Variants in NEDD9 observed in about 807,000 individuals in gnomAD.
The protein encoded by NEDD9 is enhancer of filamentation 1.
In NEDD9, 26 loss-of-function variants were observed where a neutral mutation model predicts 76.6. The ratio of observed to expected loss-of-function variants is 0.34; its 90% CI spans 0.25 to 0.47. The LOEUF (loss-of-function observed/expected upper bound fraction) is 0.47. Ranked by LOEUF, NEDD9 falls within the 20% of genes least tolerant of loss-of-function variation. The pLI, the probability that NEDD9 is intolerant of heterozygous loss-of-function variation, is 1.00. For missense variants in NEDD9, 937 were observed against 1,058.5 expected, an observed-to-expected ratio of 0.89 and a Z score of 1.59; for synonymous variants, 392 against 414.2, an observed-to-expected ratio of 0.95 and a Z score of 0.65.
intron 3 of NEDD9, among the ~76,000 whole-genome samples, chr6:11,291,376 G>A (rs578155518): frequency 4.9e-5 from 7 of 144,104 alleles, no homozygotes; most frequent in African/African-American, 7.8e-5. Context: ...CCGGGTTCAC[G>A]CCATTCTCCT....
chr6:11,329,763 G>A (rs574282984), intron 2 of NEDD9, among the ~76,000 whole-genome samples: 4 of 152,040 alleles, frequency 2.6e-5, no homozygotes. Context: ...AACTGGGTGG[G>A]GGGGGCGGTG....
intron 2 of NEDD9, among the ~76,000 whole-genome samples, chr6:11,314,085 C>T (rs958040122): frequency 6.6e-6 from 1 of 152,056 alleles, no homozygotes; most frequent in African/African-American, 2.4e-5. Context: ...TTAAAGACAC[C>T]CTTATAAAAC....
intron 2 of NEDD9, among the ~76,000 whole-genome samples, chr6:11,326,545 A>G (rs1761933327): frequency 6.6e-6 from 1 of 152,266 alleles, no homozygotes; most frequent in Non-Finnish European, 1.5e-5. Context: ...TATGAACACC[A>G]TTCTGGAGTC....
intron 1 of NEDD9, among the ~76,000 whole-genome samples, chr6:11,347,839 C>T (rs906335994): frequency 2.0e-5 from 3 of 152,220 alleles, no homozygotes; most frequent in Non-Finnish European, 4.4e-5. Context: ...CAGCACATCA[C>T]TGAATGGGCA....
chr6:11,255,933 C>G (rs1293709544), intron 3 of NEDD9, among the ~76,000 whole-genome samples: 2 of 152,104 alleles, frequency 1.3e-5, no homozygotes, highest in African/African-American at 4.8e-5. Context: ...CTGTATTCTC[C>G]TGATCTCCCT....
intron 1 of NEDD9, among the ~76,000 whole-genome samples, chr6:11,345,718 G>A (rs1261174034): frequency 2.6e-5 from 4 of 152,182 alleles, no homozygotes; most frequent in Admixed American, 1.3e-4. Flanking sequence ...CACTGGTAGA[G>A]GACTTTTCTC....
At chr6:11,279,638 C>T (rs968303885) in intron 3 of NEDD9, among the ~76,000 whole-genome samples, 3 of 152,076 alleles carry the variant, frequency 2.0e-5, no homozygotes, top group African/African-American at 7.2e-5. Context: ...TGCTTGCCTG[C>T]GAAAGCTGAT....
chr6:11,222,924 G>A (rs1417641522), intron 1 of NEDD9, among the ~76,000 whole-genome samples: 2 of 152,252 alleles, frequency 1.3e-5, no homozygotes, highest in African/African-American at 4.8e-5. Context: ...AGGAGTAGAA[G>A]AGATTAGACC....
intron 3 of NEDD9, among the ~76,000 whole-genome samples, chr6:11,273,543 G>A (rs1220023504): frequency 6.6e-6 from 1 of 152,206 alleles, no homozygotes; most frequent in Non-Finnish European, 1.5e-5. Flanking sequence ...GTTCACCTGT[G>A]TTGCCCTCCA....
At chr6:11,227,297 A>G (rs143140991) in intron 1 of NEDD9, among the ~76,000 whole-genome samples, 564 of 152,278 alleles carry the variant, frequency 3.7e-3, no homozygotes, top group Non-Finnish European at 6.0e-3. Flanking sequence ...TTCAACATCT[A>G]TTGAGCATCT....
chr6:11,313,858 A>G (rs913755789), intron 2 of NEDD9, among the ~76,000 whole-genome samples: 1 of 152,234 alleles, frequency 6.6e-6, no homozygotes, highest in Non-Finnish European at 1.5e-5. Flanking sequence ...ATTGTTAAAA[A>G]ATAAAAAATT....
chr6:11,382,264 G>C (rs949185268), exon 1 of NEDD9: 1 of 152,270 alleles, frequency 6.6e-6, no homozygotes, highest in East Asian at 1.9e-4. Context: ...TCCATGCAGC[G>C]AGCGGACTTG....
chr6:11,316,472 TC>T (rs533208466), intron 2 of NEDD9, among the ~76,000 whole-genome samples: 89 of 152,342 alleles, frequency 5.8e-4, no homozygotes, highest in African/African-American at 2.1e-3. Flanking sequence ...CTTCATTCTG[TC>T]CTGTGTCTCC....
chr6:11,373,597 C>T (rs1762919209), intron 1 of NEDD9, among the ~76,000 whole-genome samples: 1 of 152,202 alleles, frequency 6.6e-6, no homozygotes, highest in Non-Finnish European at 1.5e-5. Context: ...GAATCCCCAG[C>T]ACCTAATATG....
chr6:11,330,289 T>A (rs1435333936), intron 2 of NEDD9, among the ~76,000 whole-genome samples: 1 of 152,180 alleles, frequency 6.6e-6, no homozygotes, highest in African/African-American at 2.4e-5. Context: ...CTTTAACCCG[T>A]GTTGGTATGA....
chr6:11,200,371 T>C, intron 2 of NEDD9: 1 of 583,842 alleles, frequency 1.7e-6, no homozygotes, highest in Middle Eastern at 3.1e-4. Context: ...CAAAATTCTC[T>C]CTGGAGGCAG....
intron 1 of NEDD9, among the ~76,000 whole-genome samples, chr6:11,366,311 G>GAAAGAA (rs1390734251): frequency 1.4e-5 from 2 of 143,496 alleles, no homozygotes; most frequent in Non-Finnish European, 3.0e-5. Flanking sequence ...AAGAAAGAAA[G>GAAAGAA]AGAAAGAAAG....
intron 2 of NEDD9, among the ~76,000 whole-genome samples, chr6:11,196,258 C>T (rs979622703): frequency 8.5e-5 from 13 of 152,126 alleles, no homozygotes; most frequent in Admixed American, 2.0e-4. Context: ...GAGCCAAGAT[C>T]GTTCCACTGC....
intron 3 of NEDD9, among the ~76,000 whole-genome samples, chr6:11,255,878 G>A (rs568307498): frequency 6.6e-6 from 1 of 152,218 alleles, no homozygotes; most frequent in Non-Finnish European, 1.5e-5. Context: ...TAAGGAAACT[G>A]GTTAGGAGGC....
Sources: allele counts gnomAD v4.1 joint callset (sites outside exome capture counted in the v4.1 genomes callset), GRCh38; gene constraint gnomAD v4.1.1; transcripts MANE v1.5; gene names NCBI Gene and HGNC (gene_info 2026-07-23, HGNC 2026-07-21).